The following LRIG2 variants were observed in gnomAD, a reference collection of about 807,000 sequenced individuals.
LRIG2 encodes the protein leucine rich repeats and immunoglobulin like domains 2, also known as leucine-rich repeats and immunoglobulin-like domains protein 2.
In LRIG2, 93 loss-of-function variants were observed where a neutral mutation model predicts 107.8. The ratio of observed to expected loss-of-function variants is 0.86; its 90% CI spans 0.73 to 1.03. LRIG2 has a LOEUF of 1.03. Among genes scored for constraint, LRIG2 ranks in the 50% least tolerant of loss-of-function variants. LRIG2 has a pLI of 0.00. For synonymous variants in LRIG2, 471 were observed against 470.6 expected (o/e 1.00, Z -0.01); for missense variants, 1,226 against 1,296.0 (o/e 0.95, Z 0.83).
chr1:113,094,299 T>C, intron 4 of LRIG2, 40 bp from the exon 5 acceptor site: 2 of 1,519,560 alleles, frequency 1.3e-6, no homozygotes, highest in Non-Finnish European at 1.8e-6. Flanking sequence ...ATTTTTATTT[T>C]ACTAAATTTT....
In LRIG2 at chr1:113,107,814, T is replaced by TA. The variant is rs1345187362; in HGVS notation, c.1477+64dup. ...TACACACTTATAATCTTAACAGAAT[T>TA]AAAAAAATTAAACCAGAATGGTTTT... On this transcript the variant is annotated intron_variant, in intron 12 of 17. Coordinates refer to ENST00000361127, the MANE Select transcript of LRIG2 (RefSeq NM_014813.3). 17 of 1,435,032 alleles carry TA rather than the reference T, an allele frequency of 1.2e-5. No homozygotes were observed. The South Asian group carries it at 1.2e-4, about 10-fold the overall frequency. The allele number at this position is 1,435,032 out of a possible 1,614,324, so 88.9% of individuals were successfully genotyped here.
rs373905419 is a variant in LRIG2 at position 113,084,530 on chromosome 1, AATT to A, written c.240-6784_240-6782del. Reference sequence around the variant, plus strand: ...GCGCCCGGCATACTTAATTCTTTAAAATTATTTTCTGCTTTGAAGGACCTGTTT... The same window carrying A: ...GCGCCCGGCATACTTAATTCTTTAAAATTTTCTGCTTTGAAGGACCTGTTT... On this transcript the variant is annotated intron_variant, in intron 1 of 17. Coordinates refer to ENST00000361127, the MANE Select transcript of LRIG2 (RefSeq NM_014813.3). Among the ~76,000 whole-genome samples, 62 of 152,274 alleles carry A rather than the reference AATT, an allele frequency of 4.1e-4. No individual in the cohort carries two copies. In the East Asian group the frequency reaches 0.012, roughly 28 times the overall value.
Position 113,094,483 on chromosome 1 carries a change from G to A in LRIG2, c.659+1G>A. The A allele has an allele frequency of 6.2e-7, 1 of 1,605,588 alleles. No individual in the cohort carries two copies. The highest frequency in any genetic ancestry group is 8.5e-7 in the Non-Finnish European group (1 of 1,178,092). ...TCAAGCTGCCTCACCTCCAATTCTT[G>A]TGAGTAACGAAATAGACGGATTATA... On this transcript the variant is annotated splice_donor_variant, in intron 5 of 17. Coordinates refer to ENST00000361127, the MANE Select transcript of LRIG2 (RefSeq NM_014813.3). LOFTEE classifies it high-confidence loss of function.
chr1:113,096,459 C>G, intron 8 of LRIG2, 94 bp downstream of exon 8: 1 of 1,310,836 alleles, frequency 7.6e-7, no homozygotes, highest in Non-Finnish European at 1.1e-6. Flanking sequence ...TCTGCAAATT[C>G]TGTATGCTAA....
intron 11 of LRIG2, among the ~76,000 whole-genome samples, chr1:113,101,685 C>T (rs921297273): frequency 2.6e-5 from 4 of 152,180 alleles, no homozygotes; most frequent in African/African-American, 9.6e-5. Context: ...TGCCTAGGTT[C>T]AAATCCTTAC....
chr1:113,107,561 C>A, intron 11 of LRIG2, 33 bp from the exon 12 acceptor site: 1 of 1,592,846 alleles, frequency 6.3e-7, no homozygotes, highest in East Asian at 2.2e-5. Context: ...AAAAGTAAAA[C>A]AAAGGATGCT....
At chr1:113,105,087 G>T (rs1012600677) in intron 11 of LRIG2, among the ~76,000 whole-genome samples, 5 of 151,830 alleles carry the variant, frequency 3.3e-5, no homozygotes, top group East Asian at 1.9e-4. Context: ...TGGAGGTTGC[G>T]GTGAGCTGAG....
intron 1 of LRIG2, among the ~76,000 whole-genome samples, chr1:113,078,135 T>C (rs971339627): frequency 2.6e-5 from 4 of 152,116 alleles, no homozygotes; most frequent in Non-Finnish European, 5.9e-5. Context: ...CAGTCTATCA[T>C]TGATGGACAT....
chr1:113,130,211 T>C lies in LRIG2; in HGVS notation c.*6110T>C, dbSNP rs1655654082. On this transcript the variant is annotated 3_prime_UTR_variant, in exon 18 of 18. Coordinates refer to ENST00000361127, the MANE Select transcript of LRIG2 (RefSeq NM_014813.3). ...GTACTTTCCCTCGTATACAAGCTACTCTCCTGAAAAAAATAGCAGGAACCC... is the reference window on the plus strand; with the variant it reads ...GTACTTTCCCTCGTATACAAGCTACCCTCCTGAAAAAAATAGCAGGAACCC... The C allele has an allele frequency of 1.3e-5, 2 of 152,012 alleles. No homozygotes were observed. The highest frequency in any genetic ancestry group is 4.8e-5 in the African/African-American group (2 of 41,374). The allele number at this position is 152,012 out of a possible 1,614,324, so 9.4% of individuals were successfully genotyped here.
At chr1:113,107,468 T>G (rs1394934732) in intron 11 of LRIG2, 126 bp from the exon 12 acceptor site, 2 of 845,864 alleles carry the variant, frequency 2.4e-6, no homozygotes, top group East Asian at 5.8e-5. Flanking sequence ...CAATTTGTTT[T>G]CTCATGATTT....
rs1570761336 is a variant in LRIG2 at position 113,110,313 on chromosome 1, C to G, written c.1549C>G (p.Leu517Val). ...IIALRGMNVT[L>V]TCTAVSSSDS... ...TGCTCTAAGAGGCATGAATGTGACT[C>G]TGACGTGCACTGCAGTGAGCAGCAG... The change falls in exon 13 of 18, where the codon CTG becomes GTG. Residue 517 changes from leucine to valine, a missense_variant. By Grantham distance (32) the Leu-to-Val change is conservative. Around this residue, in one of 3 missense-constraint regions of LRIG2, gnomAD observed 642 missense variants for 712.2 expected, o/e 0.90. Coordinates refer to ENST00000361127, the MANE Select transcript of LRIG2 (RefSeq NM_014813.3). 4 of 1,614,094 alleles carry G rather than the reference C, an allele frequency of 2.5e-6. No homozygotes were observed. The highest frequency in any genetic ancestry group is 3.4e-6 in the Non-Finnish European group (4 of 1,179,982).
chr1:113,116,536 T>A, intron 16 of LRIG2, 100 bp downstream of exon 16: 1 of 1,124,176 alleles, frequency 8.9e-7, no homozygotes, highest in Non-Finnish European at 1.3e-6. Context: ...TATTTTAAAG[T>A]AAGATACCTA....
intron 1 of LRIG2, among the ~76,000 whole-genome samples, chr1:113,085,087 A>G (rs1282622577): frequency 6.6e-6 from 1 of 152,218 alleles, no homozygotes; most frequent in Non-Finnish European, 1.5e-5. Flanking sequence ...AGGTATTTGT[A>G]TTCTCTATCT....
intron 11 of LRIG2, among the ~76,000 whole-genome samples, chr1:113,101,310 T>C (rs935976381): frequency 6.6e-6 from 1 of 152,196 alleles, no homozygotes; most frequent in African/African-American, 2.4e-5. Flanking sequence ...TCAGGTGATC[T>C]GTCTGCTTCA....
intron 1 of LRIG2, among the ~76,000 whole-genome samples, chr1:113,089,640 G>A (rs1339725334): frequency 6.7e-6 from 1 of 148,880 alleles, no homozygotes; most frequent in Non-Finnish European, 1.5e-5. Context: ...ACATAATTTG[G>A]GGTGAGATTA....
rs1470581720 is a variant in LRIG2, at chr1:113,130,935, T to A, written c.*6834T>A. Reference sequence around the variant, plus strand: ...GTATTAAAACTCTTTTTTACTCGATTACTTTTATTTTTTTAAGACACAGTC... The same window carrying A: ...GTATTAAAACTCTTTTTTACTCGATAACTTTTATTTTTTTAAGACACAGTC... On this transcript the variant is annotated 3_prime_UTR_variant, in exon 18 of 18. Coordinates refer to ENST00000361127, the MANE Select transcript of LRIG2 (RefSeq NM_014813.3). 7.2e-6 allele frequency: 1 copy of A among 139,750 alleles called. No individual in the cohort carries two copies. Among genetic ancestry groups the A allele is most frequent in the Non-Finnish European group, 1.5e-5 (1 of 65,526 alleles). 8.7% of individuals were successfully genotyped at this position (139,750 alleles called of 1,614,324 possible).
At position 113,094,774 on chromosome 1, in the gene LRIG2, A is replaced by G; in HGVS notation, c.803+19A>G. On this transcript the variant is annotated intron_variant, in intron 6 of 17. Coordinates refer to ENST00000361127, the MANE Select transcript of LRIG2 (RefSeq NM_014813.3). The stretch of plus-strand genomic sequence containing the variant: ...AAGAACTGTAAGTACTCGGGACTAG[A>G]GGTGATTATTAGGAAAGTAGTCTGT... 1 of 1,605,844 alleles carries G rather than the reference A, an allele frequency of 6.2e-7. No individual in the cohort carries two copies. The highest frequency in any genetic ancestry group is 8.5e-7 in the Non-Finnish European group (1 of 1,174,162).
Position 113,091,341 on chromosome 1 carries a change from C to CT in LRIG2, c.264dup (p.Asn89Ter). 4 of 1,605,604 alleles carry CT rather than the reference C, an allele frequency of 2.5e-6. No homozygotes were observed. The highest frequency in any genetic ancestry group is 3.4e-6 in the Non-Finnish European group (4 of 1,174,898). Reference sequence around the variant, plus strand: ...AGGGATTTCAGTCATAATCGGTTGTCTAACTGGAACATCAGCTTGGAATCA... The same window carrying CT: ...AGGGATTTCAGTCATAATCGGTTGTCTTAACTGGAACATCAGCTTGGAATCA... On this transcript the variant is annotated frameshift_variant, in exon 2 of 18. Coordinates refer to ENST00000361127, the MANE Select transcript of LRIG2 (RefSeq NM_014813.3). LOFTEE classifies it high-confidence loss of function.
chr1:113,091,384 G>GT lies in LRIG2; in HGVS notation c.305+2dup, dbSNP rs1653818311. The stretch of plus-strand genomic sequence containing the variant: ...TGGAATCACAAACATTACAGGAAGT[G>GT]TAAGTTATTTTTATTTATTTAAAGT... On this transcript the variant is annotated splice_donor_variant, in intron 2 of 17. Coordinates refer to ENST00000361127, the MANE Select transcript of LRIG2 (RefSeq NM_014813.3). LOFTEE classifies it high-confidence loss of function. 6.4e-7 allele frequency: 1 copy of GT among 1,570,004 alleles called. No homozygotes were observed. Among genetic ancestry groups the GT allele is most frequent in the South Asian group, 1.2e-5 (1 of 85,856 alleles).
Sources: allele counts gnomAD v4.1 joint callset (sites outside exome capture counted in the v4.1 genomes callset), GRCh38; gene constraint gnomAD v4.1.1; regional missense constraint gnomAD v4.1.1; transcripts MANE v1.5; gene names NCBI Gene and HGNC (gene_info 2026-07-23, HGNC 2026-07-21).